The following ADAMTSL3 variants were observed in gnomAD, a reference collection of about 807,000 sequenced individuals.
ADAMTSL3 encodes ADAMTS-like protein 3.
ADAMTSL3 carries 128 observed loss-of-function variants against 201.7 expected under a neutral mutation model. The ratio of observed to expected loss-of-function variants is 0.63; its 90% confidence interval spans 0.55 to 0.73. The LOEUF is 0.73. ADAMTSL3 is among the 30% of genes least tolerant of loss of function. ADAMTSL3 has a pLI of 0.00. For synonymous variants in ADAMTSL3, 738 were observed against 748.4 expected, an observed-to-expected ratio of 0.99 and a Z score of 0.23; for missense variants, 1,990 against 2,119.6, an observed-to-expected ratio of 0.94 and a Z score of 1.20.
intron 20 of ADAMTSL3, among the ~76,000 whole-genome samples, chr15:83,981,594 A>G (rs1003838136): frequency 1.3e-5 from 2 of 152,238 alleles, no homozygotes; most frequent in East Asian, 3.8e-4. Flanking sequence ...TGGCAGAGCT[A>G]AGATTCAAAC....
chr15:83,745,615 A>C (rs1179396745), intron 3 of ADAMTSL3, among the ~76,000 whole-genome samples: 2 of 152,096 alleles, frequency 1.3e-5, no homozygotes, highest in Non-Finnish European at 2.9e-5. Context: ...GGTTGAGTGC[A>C]ATAGGTTCCA....
intron 2 of ADAMTSL3, among the ~76,000 whole-genome samples, chr15:83,660,327 A>C (rs1416464337): frequency 1.3e-5 from 2 of 152,148 alleles, no homozygotes; most frequent in Non-Finnish European, 2.9e-5. Context: ...ACCCTTGATC[A>C]TGTCAATCAT....
At chr15:84,023,980 G>GC (rs1293934812) in intron 26 of ADAMTSL3, among the ~76,000 whole-genome samples, 1 of 152,220 alleles carries the variant, frequency 6.6e-6, no homozygotes, top group Non-Finnish European at 1.5e-5. Context: ...ATATCGCCGG[G>GC]CGCAGTGGCT....
intron 6 of ADAMTSL3, among the ~76,000 whole-genome samples, chr15:83,836,895 C>T (rs925061449): frequency 6.6e-6 from 1 of 151,620 alleles, no homozygotes; most frequent in African/African-American, 2.4e-5. Flanking sequence ...CACTTAAACA[C>T]CAGATTTATA....
chr15:83,963,474 A>C (rs1281289123), intron 19 of ADAMTSL3, among the ~76,000 whole-genome samples: 1 of 152,198 alleles, frequency 6.6e-6, no homozygotes, highest in African/African-American at 2.4e-5. Flanking sequence ...CCCTTCTGGC[A>C]GGGCATCTCT....
At chr15:83,901,203 A>G (rs138292661) in intron 15 of ADAMTSL3, among the ~76,000 whole-genome samples, 22 of 152,178 alleles carry the variant, frequency 1.4e-4, no homozygotes, top group Non-Finnish European at 2.8e-4. Flanking sequence ...ACAGTATTTG[A>G]GTAAAAAGAG....
At chr15:84,023,884 T>G (rs534740020) in intron 26 of ADAMTSL3, among the ~76,000 whole-genome samples, 2 of 152,324 alleles carry the variant, frequency 1.3e-5, no homozygotes, top group African/African-American at 4.8e-5. Context: ...ACCAGGTTTT[T>G]GAATATGTAA....
chr15:83,787,505 C>A (rs887705169), intron 4 of ADAMTSL3, among the ~76,000 whole-genome samples: 10 of 152,010 alleles, frequency 6.6e-5, no homozygotes, highest in African/African-American at 2.4e-4. Flanking sequence ...GGACTTTTAA[C>A]AAATATTTAA....
rs12910694 is a variant in ADAMTSL3 at position 84,000,252 on chromosome 15, A to G, written c.3973+9038A>G. Among the ~76,000 whole-genome samples, 348 of 152,304 alleles carry G rather than the reference A, an allele frequency of 2.3e-3. 1 individual carries two copies. Among genetic ancestry groups the G allele is most frequent in the Non-Finnish European group, 3.9e-3 (266 of 68,022 alleles). On this transcript the variant is annotated intron_variant, in intron 23 of 29. Coordinates refer to ENST00000286744, the MANE Select transcript of ADAMTSL3 (RefSeq NM_207517.3). ...TCCCCTGATCTGTGGTTTTTGAAAT[A>G]TATCCTCTCTTCTATACTGTTATCT...
At chr15:83,701,723 T>G (rs564461377) in intron 2 of ADAMTSL3, among the ~76,000 whole-genome samples, 1 of 152,324 alleles carries the variant, frequency 6.6e-6, no homozygotes, top group South Asian at 2.1e-4. Context: ...GCCATGATTC[T>G]GAGGCCTCCC....
chr15:83,995,261 CCA>C (rs2067667644), intron 23 of ADAMTSL3, among the ~76,000 whole-genome samples: 1 of 152,116 alleles, frequency 6.6e-6, no homozygotes, highest in South Asian at 2.1e-4. Context: ...TCCATCTCTA[CCA>C]CAGAGATTTA....
chr15:83,864,182 G>A (rs2064927033), intron 8 of ADAMTSL3, among the ~76,000 whole-genome samples: 1 of 152,170 alleles, frequency 6.6e-6, no homozygotes. Context: ...TCTACCAGAA[G>A]TACAAGGAGG....
intron 19 of ADAMTSL3, among the ~76,000 whole-genome samples, chr15:83,967,684 T>C (rs1051546261): frequency 6.6e-6 from 1 of 152,152 alleles, no homozygotes; most frequent in African/African-American, 2.4e-5. Flanking sequence ...AAAAAGTACT[T>C]TAAATTTCAT....
At chr15:83,945,953 C>T (rs1308682436) in intron 19 of ADAMTSL3, 1 of 152,196 alleles carries the variant, frequency 6.6e-6, no homozygotes. Flanking sequence ...TAGGAATGGC[C>T]CTGGGTAGTG....
intron 27 of ADAMTSL3, among the ~76,000 whole-genome samples, chr15:84,028,277 A>T (rs944555383): frequency 6.6e-6 from 1 of 152,242 alleles, no homozygotes; most frequent in Non-Finnish European, 1.5e-5. Flanking sequence ...GAAAAAAGGC[A>T]GTATAAGACA....
chr15:83,823,910 C>G (rs1472077830), intron 6 of ADAMTSL3, among the ~76,000 whole-genome samples: 1 of 61,468 alleles, frequency 1.6e-5, no homozygotes, highest in Non-Finnish European at 3.9e-5. Flanking sequence ...TCTTCTTCTT[C>G]TTCTTCTTCT....
chr15:83,747,988 C>T (rs2062575290), intron 3 of ADAMTSL3, among the ~76,000 whole-genome samples: 1 of 151,870 alleles, frequency 6.6e-6, no homozygotes, highest in South Asian at 2.1e-4. Context: ...GTCTTGTTGG[C>T]ATGGAAGAGA....
intron 2 of ADAMTSL3, among the ~76,000 whole-genome samples, chr15:83,676,353 G>C (rs1596009051): frequency 6.6e-6 from 1 of 151,858 alleles, no homozygotes; most frequent in Non-Finnish European, 1.5e-5. Context: ...CTCAATGTTT[G>C]TGTCCATCCA....
chr15:83,914,854 TTTGTTTG>T (rs370438999), intron 16 of ADAMTSL3, among the ~76,000 whole-genome samples: 71,468 of 127,096 alleles, frequency 0.56, 18,863 homozygotes, highest in African/African-American at 0.73. Flanking sequence ...TTTGGTTTTG[TTTGTTTG>T]TTTGTTTGTT....
Sources: gnomAD v4.1 joint callset for allele counts (sites outside exome capture counted in the v4.1 genomes callset) on GRCh38, gnomAD v4.1.1 for gene constraint, MANE v1.5 for transcripts, NCBI Gene and HGNC (gene_info 2026-07-23, HGNC 2026-07-21) for gene names.